Variants in SOS2 observed in about 807,000 individuals in gnomAD.
The protein encoded by SOS2 is SOS Ras/Rho guanine nucleotide exchange factor 2.
In SOS2, 65 loss-of-function variants were observed where a neutral mutation model predicts 148.2. The observed-to-expected ratio is 0.44, with a 90% confidence interval of 0.36 to 0.54. The LOEUF (loss-of-function observed/expected upper bound fraction) is 0.54. Ranked by LOEUF, SOS2 falls within the 20% of genes least tolerant of loss-of-function variation. SOS2 has a pLI of 0.00. For synonymous variants in SOS2, 539 were observed against 537.1 expected, an observed-to-expected ratio of 1.00 and a Z score of -0.05; for missense variants, 1,341 against 1,590.2, an observed-to-expected ratio of 0.84 and a Z score of 2.67.
At chr14:50,134,899 C>G (rs1884022423) in intron 18 of SOS2, among the ~76,000 whole-genome samples, 1 of 151,376 alleles carries the variant, frequency 6.6e-6, no homozygotes, top group African/African-American at 2.4e-5. Context: ...CATGAAGAAA[C>G]CCCATCTCTA....
chr14:50,170,054 T>G (rs1262405316), intron 8 of SOS2, among the ~76,000 whole-genome samples: 1 of 151,684 alleles, frequency 6.6e-6, no homozygotes, highest in Non-Finnish European at 1.5e-5. Context: ...GCCTCCCTAG[T>G]AGCCGGGACC....
At chr14:50,132,246 G>T (rs1286076480) in intron 19 of SOS2, among the ~76,000 whole-genome samples, 1 of 151,606 alleles carries the variant, frequency 6.6e-6, no homozygotes, top group Non-Finnish European at 1.5e-5. Flanking sequence ...GCCAAGCACA[G>T]TGGCTCATGC....
chr14:50,136,630 CCTAGG>C (rs1319912913), intron 18 of SOS2, among the ~76,000 whole-genome samples: 2 of 148,396 alleles, frequency 1.3e-5, no homozygotes, highest in African/African-American at 5.0e-5. Context: ...CGCTCTGTCA[CCTAGG>C]CTAGAGTGCA....
At chr14:50,200,246 T>C (rs761524427) in intron 3 of SOS2, among the ~76,000 whole-genome samples, 2 of 151,844 alleles carry the variant, frequency 1.3e-5, no homozygotes, top group Non-Finnish European at 2.9e-5. Context: ...AGGGGAGGTA[T>C]GGAAGTGTCT....
Position 50,201,029 on chromosome 14 carries a change from G to GCTT in SOS2, c.268_269insAAG (p.Asp89_Ala90insGlu). On this transcript the variant is annotated inframe_insertion, in exon 3 of 23. Coordinates refer to ENST00000216373, the MANE Select transcript of SOS2 (RefSeq NM_006939.4). ...TTTTCGTTTTTCTATAGCAGATTGT[G>GCTT]CATCAGCAATGGCCCATTTATCAAT... 6.2e-7 allele frequency: 1 copy of GCTT among 1,613,654 alleles called. No homozygotes were observed. The highest frequency in any genetic ancestry group is 8.5e-7 in the Non-Finnish European group (1 of 1,179,614).
intron 21 of SOS2, among the ~76,000 whole-genome samples, chr14:50,122,448 T>C (rs193229488): frequency 5.9e-4 from 75 of 126,184 alleles, no homozygotes; most frequent in African/African-American, 2.2e-3. Flanking sequence ...CAGGCTGGAG[T>C]CCAGGAACCC....
chr14:50,182,122 G>C lies in SOS2; in HGVS notation c.858+341C>G, dbSNP rs914660479. 1.1e-4 allele frequency among the ~76,000 whole-genome samples: 17 copies of C among 151,758 alleles called. 1 individual carries two copies. Among genetic ancestry groups the C allele is most frequent in the Non-Finnish European group, 2.1e-4 (14 of 67,946 alleles). ...TCACTATATAGGCAATGTGATTTTA[G>C]TTTGTTATCAGTTAAATCTTAAATA... On this transcript the variant is annotated intron_variant, in intron 6 of 22. Transcript: ENST00000216373.
chr14:50,194,593 T>A (rs189567958), intron 4 of SOS2, among the ~76,000 whole-genome samples: 1 of 150,016 alleles, frequency 6.7e-6, no homozygotes, highest in Non-Finnish European at 1.5e-5. Flanking sequence ...CTGTCCAACA[T>A]GGTAAAATCC....
At chr14:50,209,274 C>CGTGGGTGTGTGTGTGTGTGTGT (rs1886780668) in intron 1 of SOS2, among the ~76,000 whole-genome samples, 2 of 118,276 alleles carry the variant, frequency 1.7e-5, no homozygotes, top group African/African-American at 2.9e-5. Context: ...CCTTAAATGT[C>CGTGGGTGTGTGTGTGTGTGTGT]GTGTGTGTGT....
In SOS2 at chr14:50,228,689, T is replaced by C. The variant is rs115601158; in HGVS notation, c.87+2508A>G. ...CAAGTAAGCTACATTGCTGCTTTCA[T>C]AGACACACAAATACCCCTTACTGAA... On this transcript the variant is annotated intron_variant, in intron 1 of 22. Coordinates refer to ENST00000216373, the MANE Select transcript of SOS2 (RefSeq NM_006939.4). 4.2e-3 allele frequency among the ~76,000 whole-genome samples: 647 copies of C among 152,330 alleles called. 2 individuals are homozygous for C. The highest frequency in any genetic ancestry group is 0.014 in the African/African-American group (595 of 41,582).
At chr14:50,214,860 G>C (rs907545514) in intron 1 of SOS2, among the ~76,000 whole-genome samples, 3 of 149,632 alleles carry the variant, frequency 2.0e-5, no homozygotes, top group Admixed American at 6.7e-5. Flanking sequence ...TTTTGAGACG[G>C]AGTCTTGTTC....
intron 7 of SOS2, among the ~76,000 whole-genome samples, chr14:50,175,797 A>T (rs937329616): frequency 4.6e-5 from 7 of 152,188 alleles, no homozygotes; most frequent in Non-Finnish European, 1.0e-4. Flanking sequence ...ACACCAATAT[A>T]AAATGTGAGA....
At chr14:50,142,986 AAAGG>A (rs1884344545) in intron 16 of SOS2, among the ~76,000 whole-genome samples, 1 of 152,240 alleles carries the variant, frequency 6.6e-6, no homozygotes, top group African/African-American at 2.4e-5. Context: ...GTACAAAAGC[AAAGG>A]AAGAAACCAT....
In SOS2 at chr14:50,140,034, A is replaced by ATTTTCC; in HGVS notation, c.2687_2692dup (p.Arg896_Lys897dup). The ATTTTCC allele has an allele frequency of 6.2e-7, 1 of 1,602,016 alleles. No individual in the cohort carries two copies. The highest frequency in any genetic ancestry group is 8.5e-7 in the Non-Finnish European group (1 of 1,171,252). On this transcript the variant is annotated inframe_insertion, in exon 17 of 23. Transcript: ENST00000216373. ...ACTTAATTCCACAGCTTCGTCCAAA[A>ATTTTCC]TTTTCCTTTTCCTTTCCTGCAGTGC...
At chr14:50,130,415 A>G (rs1350167976) in intron 20 of SOS2, 86 bp downstream of exon 20, 28 of 1,117,186 alleles carry the variant, frequency 2.5e-5, no homozygotes, top group Non-Finnish European at 3.5e-5. Context: ...TTTGCAAAGG[A>G]TTCTATAGTT....
chr14:50,183,373 G>A (rs1459986582), intron 5 of SOS2, among the ~76,000 whole-genome samples: 1 of 151,116 alleles, frequency 6.6e-6, no homozygotes, highest in Non-Finnish European at 1.5e-5. Context: ...TGGAAATAAA[G>A]AGACTTGCTT....
intron 1 of SOS2, among the ~76,000 whole-genome samples, chr14:50,217,849 G>A (rs1007222679): frequency 4.6e-5 from 7 of 152,014 alleles, no homozygotes; most frequent in East Asian, 1.9e-4. Flanking sequence ...CCAGCTACTC[G>A]GGAGGCTGAG....
intron 21 of SOS2, among the ~76,000 whole-genome samples, chr14:50,123,571 C>T (rs1003125186): frequency 4.6e-5 from 7 of 151,866 alleles, no homozygotes; most frequent in South Asian, 2.1e-4. Flanking sequence ...TTAGTAGAGA[C>T]GGGGTTTCAC....
intron 1 of SOS2, among the ~76,000 whole-genome samples, chr14:50,223,018 C>T (rs777014297): frequency 1.3e-5 from 2 of 152,036 alleles, no homozygotes; most frequent in African/African-American, 2.4e-5. Context: ...AAGTATAAAA[C>T]GGTAACTAAA....
Sources: allele counts gnomAD v4.1 joint callset (sites outside exome capture counted in the v4.1 genomes callset), GRCh38; gene constraint gnomAD v4.1.1; transcripts MANE v1.5; gene names NCBI Gene and HGNC (gene_info 2026-07-23, HGNC 2026-07-21).